Variants in GPM6B observed in about 807,000 individuals in gnomAD.
GPM6B encodes the protein neuronal membrane glycoprotein M6-b.
In GPM6B, 4 loss-of-function variants were observed where a neutral mutation model predicts 27.2. The ratio of observed to expected loss-of-function variants is 0.15; its 90% CI spans 0.07 to 0.34. The LOEUF (loss-of-function observed/expected upper bound fraction) is 0.34, where lower values mean the gene tolerates loss of function less well. GPM6B is among the 10% of genes least tolerant of loss of function. The pLI, the probability that GPM6B is intolerant of heterozygous loss-of-function variation, is 1.00. For missense variants in GPM6B, 183 were observed against 261.9 expected, an observed-to-expected ratio of 0.70 and a Z score of 2.08; for synonymous variants, 124 against 103.1, an observed-to-expected ratio of 1.20 and a Z score of -1.23.
chrX:13,929,259 G>T (rs1321533779), intron 1 of GPM6B, among the ~76,000 whole-genome samples: 2 of 111,007 alleles, frequency 1.8e-5, no homozygotes, highest in African/African-American at 6.6e-5. Flanking sequence ...CAGAGATAAG[G>T]TGCACTAATC....
upstream of GPM6B, among the ~76,000 whole-genome samples, chrX:13,822,132 C>G (rs908308331): frequency 1.3e-4 from 14 of 111,273 alleles, no homozygotes; most frequent in African/African-American, 4.6e-4. Flanking sequence ...TTTCTAACTA[C>G]TAATACCTCT....
At chrX:13,899,272 G>A (rs1344097355) in intron 1 of GPM6B, among the ~76,000 whole-genome samples, 2 of 107,821 alleles carry the variant, frequency 1.9e-5, no homozygotes, top group Non-Finnish European at 3.8e-5. Flanking sequence ...TTAGCCATGC[G>A]TGGTGGTGGG....
At chrX:13,855,534 G>A (rs1014422362) in intron 1 of GPM6B, among the ~76,000 whole-genome samples, 1 of 112,073 alleles carries the variant, frequency 8.9e-6, no homozygotes, top group African/African-American at 3.2e-5. Context: ...AGTCTAATTT[G>A]AAGGACATTT....
chrX:13,871,411 G>C (rs1160904321), intron 1 of GPM6B, among the ~76,000 whole-genome samples: 1 of 112,153 alleles, frequency 8.9e-6, no homozygotes, highest in East Asian at 2.8e-4. Context: ...GATTTAATTG[G>C]CTTGGGAAAG....
At chrX:13,854,527 C>T (rs1290182320) in intron 1 of GPM6B, among the ~76,000 whole-genome samples, 1 of 112,165 alleles carries the variant, frequency 8.9e-6, no homozygotes, top group Non-Finnish European at 1.9e-5. Context: ...GCAATTACCT[C>T]CACCTGTGCT....
At chrX:13,822,389 G>GACA (rs1569236489) in intron 1 of GPM6B, among the ~76,000 whole-genome samples, 18 of 107,871 alleles carry the variant, frequency 1.7e-4, no homozygotes, top group Non-Finnish European at 3.3e-4. Context: ...TTTCTGAGAC[G>GACA]GAGTCTCGCG....
upstream of GPM6B, among the ~76,000 whole-genome samples, chrX:13,821,434 T>C (rs775440739): frequency 1.8e-5 from 2 of 112,366 alleles, no homozygotes; most frequent in East Asian, 5.5e-4. Flanking sequence ...GATAGAAATG[T>C]TGAACACAAC....
intron 1 of GPM6B, among the ~76,000 whole-genome samples, chrX:13,852,800 G>T (rs1603081564): frequency 1.0e-5 from 1 of 97,641 alleles, no homozygotes; most frequent in East Asian, 3.1e-4. Context: ...TAAAGACTGG[G>T]TTTCACTCTG....
chrX:13,773,176 A>C, intron 7 of GPM6B, 146 bp from the exon 8 acceptor site: 4 of 433,184 alleles, frequency 9.2e-6, no homozygotes, highest in Non-Finnish European at 1.5e-5. Context: ...GAGCTGTCAG[A>C]TCCTGAAAGC....
intron 1 of GPM6B, among the ~76,000 whole-genome samples, chrX:13,917,881 C>A (rs772682228): frequency 7.1e-5 from 8 of 112,551 alleles, no homozygotes; most frequent in African/African-American, 2.6e-4. Flanking sequence ...TCAGAAAATG[C>A]CCTTTCAAAA....
intron 1 of GPM6B, among the ~76,000 whole-genome samples, chrX:13,808,709 C>A (rs1450839459): frequency 2.7e-5 from 3 of 110,978 alleles, no homozygotes; most frequent in Non-Finnish European, 1.9e-5. Flanking sequence ...GGTAATGATT[C>A]CATCAGAAGA....
intron 2 of GPM6B, among the ~76,000 whole-genome samples, chrX:13,787,373 A>C (rs1339320802): frequency 9.0e-6 from 1 of 111,657 alleles, no homozygotes; most frequent in African/African-American, 3.3e-5. Context: ...TGGCTAACAC[A>C]GTAAAACCCC....
At chrX:13,875,223 C>T (rs1431214377) in intron 1 of GPM6B, among the ~76,000 whole-genome samples, 1 of 111,149 alleles carries the variant, frequency 9.0e-6, no homozygotes, top group East Asian at 2.8e-4. Context: ...GAAAAACATC[C>T]TCAAAGCCAA....
chrX:13,915,160 TG>T (rs2050415769), intron 1 of GPM6B, among the ~76,000 whole-genome samples: 1 of 108,741 alleles, frequency 9.2e-6, no homozygotes, highest in African/African-American at 3.4e-5. Flanking sequence ...TCCAGCTACT[TG>T]GGAGGCTGAA....
At chrX:13,909,545 G>A (rs1169945763) in intron 1 of GPM6B, among the ~76,000 whole-genome samples, 2 of 107,180 alleles carry the variant, frequency 1.9e-5, no homozygotes, top group Non-Finnish European at 2.0e-5. Flanking sequence ...CTTATTACAA[G>A]GATGATGACG....
In GPM6B at chrX:13,832,313, A is replaced by G. The variant is rs150875079; in HGVS notation, c.-197-46505T>C. Among the ~76,000 whole-genome samples the G allele has an allele frequency of 4.2e-4, 47 of 112,307 alleles. No individual in the cohort carries two copies. In the East Asian group the frequency reaches 0.012, roughly 28 times the overall value. On this transcript the variant is annotated intron_variant, in intron 1 of 6. Transcript: ENST00000398361. ...GATACACCAAAGACTGAAAACCATTAATTTACAGAAGAACGTGACTATCCA... is the reference window on the plus strand; with the variant it reads ...GATACACCAAAGACTGAAAACCATTGATTTACAGAAGAACGTGACTATCCA...
chrX:13,782,897 T>C (rs1279381747), intron 4 of GPM6B, among the ~76,000 whole-genome samples: 2 of 112,352 alleles, frequency 1.8e-5, no homozygotes, highest in Non-Finnish European at 3.8e-5. Flanking sequence ...AAGCAGCCTG[T>C]GTTTTAATCT....
intron 1 of GPM6B, among the ~76,000 whole-genome samples, chrX:13,864,815 C>T (rs774237729): frequency 2.2e-4 from 25 of 111,446 alleles, no homozygotes; most frequent in Admixed American, 7.6e-4. Context: ...AAGTACAGGT[C>T]CCCACTTATC....
intron 1 of GPM6B, among the ~76,000 whole-genome samples, chrX:13,874,318 T>C (rs2050009928): frequency 9.0e-6 from 1 of 111,435 alleles, no homozygotes; most frequent in African/African-American, 3.3e-5. Flanking sequence ...GACAATTAGA[T>C]TCAATAAATA....
Sources: allele counts gnomAD v4.1 joint callset (sites outside exome capture counted in the v4.1 genomes callset), GRCh38; gene constraint gnomAD v4.1.1; transcripts MANE v1.5; gene names NCBI Gene and HGNC (gene_info 2026-07-23, HGNC 2026-07-21).